The following PNKP variants were observed in gnomAD, a reference collection of about 807,000 sequenced individuals.
PNKP encodes the protein bifunctional polynucleotide phosphatase/kinase.
Under a neutral mutation model 66.2 loss-of-function variants are expected in PNKP, and 82 were observed. The observed-to-expected ratio is 1.24, with a 90% CI of 1.04 to 1.49. The LOEUF (loss-of-function observed/expected upper bound fraction) is 1.49, where lower values mean the gene tolerates loss of function less well. Among genes scored for constraint, PNKP ranks in the 40% most tolerant of loss-of-function variants. The pLI, the probability that PNKP is intolerant of heterozygous loss-of-function variation, is 0.00. For missense variants in PNKP, 907 were observed against 706.8 expected (o/e 1.28, Z -3.21); for synonymous variants, 412 against 298.9 (o/e 1.38, Z -3.90).
In PNKP at chr19:49,862,587, T is replaced by G; in HGVS notation, c.887A>C (p.Asn296Thr). ...TTTCTTCTTCCGCCCCGGGGCCCAGTTGGCCGGGCGTCCGGCTGCGTCTGG... is the reference window on the plus strand; with the variant it reads ...TTTCTTCTTCCGCCCCGGGGCCCAGGTGGCCGGGCGTCCGGCTGCGTCTGG... ...FVGDAAGRPA[N>T]WAPGRKKKDF... The change falls in exon 10 of 17, where the codon AAC becomes ACC. Residue 296 changes from asparagine (N) to threonine (T), a missense_variant. Transcript: ENST00000322344. 1.9e-6 allele frequency: 3 copies of G among 1,613,474 alleles called. No homozygotes were observed. The highest frequency in any genetic ancestry group is 2.5e-6 in the Non-Finnish European group (3 of 1,179,700).
chr19:49,865,603 T>C, intron 3 of PNKP, 177 bp from the exon 4 acceptor site: 2 of 255,180 alleles, frequency 7.8e-6, no homozygotes, highest in South Asian at 4.5e-5. Flanking sequence ...GTCCGAATCT[T>C]TTTTTTTTTT....
intron 13 of PNKP, 39 bp downstream of exon 13, chr19:49,862,005 C>CTT (rs1173356910): frequency 5.6e-6 from 9 of 1,612,206 alleles, no homozygotes; most frequent in Non-Finnish European, 7.6e-6. Flanking sequence ...GAGATGGGAA[C>CTT]TTTATAATAG....
intron 2 of PNKP, 145 bp downstream of exon 2, chr19:49,866,909 T>G: frequency 1.2e-5 from 10 of 839,416 alleles, no homozygotes. Flanking sequence ...AAGCACAAAC[T>G]TTATCTTCCT....
chr19:49,862,754 G>A lies in PNKP; in HGVS notation c.817-16C>T, dbSNP rs751500600. The A allele has an allele frequency of 1.2e-6, 2 of 1,613,926 alleles. No individual in the cohort carries two copies. Among genetic ancestry groups the A allele is most frequent in the Non-Finnish European group, 1.7e-6 (2 of 1,179,858 alleles). ...CGTCGTTGGCCTACGGGAGACGGTA[G>A]TGAGGAGGCCCTTCCCACAAATGTC... On this transcript the variant is annotated splice_polypyrimidine_tract_variant and intron_variant, in intron 8 of 16. Transcript: ENST00000322344.
In PNKP at chr19:49,865,383, G is replaced by A. The variant is rs753940585; in HGVS notation, c.242C>T (p.Pro81Leu). ...CACCCCCAGAGAGCCCTCCAACCCC[G>A]GCTTCAACTCCTGGGTCCCGGTAGT... Reference protein sequence around the residue: ...PSTTGTQELKPGLEGSLGVGD... With the variant: ...PSTTGTQELKLGLEGSLGVGD... The change falls in exon 4 of 17, where the codon CCG becomes CTG. Residue 81 changes from proline (P) to leucine (L), a missense_variant. Physicochemically the swap from Pro to Leu is moderately conservative, Grantham distance 98. Transcript: ENST00000322344. 3.1e-6 allele frequency: 5 copies of A among 1,612,742 alleles called. No individual in the cohort carries two copies. The South Asian group carries it at 3.3e-5, about 11-fold the overall frequency.
chr19:49,861,539 C>T (rs1488138163), intron 15 of PNKP, 29 bp from the exon 16 acceptor site: 2 of 1,608,880 alleles, frequency 1.2e-6, no homozygotes, highest in Non-Finnish European at 1.7e-6. Flanking sequence ...GGGCGGCAGG[C>T]CCAGGGGTCA....
Position 49,863,764 on chromosome 19 carries a change from T to C in PNKP, c.745-4A>G. 1 of 1,557,906 alleles carries C rather than the reference T, an allele frequency of 6.4e-7. No individual in the cohort carries two copies. The highest frequency in any genetic ancestry group is 8.7e-7 in the Non-Finnish European group (1 of 1,150,074). On this transcript the variant is annotated splice_polypyrimidine_tract_variant and splice_region_variant and intron_variant, in intron 7 of 16. Transcript: ENST00000322344. ...CTGCGTGCGTGGCCACCAGCACCTG[T>C]GGATGGGAGGGGGCCACCAGCTTTA... is the stretch of plus-strand genomic sequence containing the variant.
In PNKP at chr19:49,863,191, G is replaced by T. The variant is rs1015327409; in HGVS notation, c.817-453C>A. On this transcript the variant is annotated intron_variant, in intron 8 of 16. Coordinates refer to ENST00000322344, the MANE Select transcript of PNKP (RefSeq NM_007254.4). The stretch of plus-strand genomic sequence containing the variant: ...TTTGCACTTGCTGTCACTCCCACAA[G>T]GGGGGGGACCGCTTTCCCCAGGTGT... 2.0e-5 allele frequency among the ~76,000 whole-genome samples: 3 copies of T among 151,898 alleles called. No homozygotes were observed. In the South Asian group the frequency reaches 6.3e-4, roughly 32 times the overall value.
Position 49,861,787 on chromosome 19 carries a change from G to GCGTCTGGGTTTGTGTTGT in PNKP, c.1265_1282dup (p.Asp422_Asp427dup), listed in dbSNP as rs2074768602. On this transcript the variant is annotated inframe_insertion, in exon 14 of 17. Transcript: ENST00000322344. ...GTCACGCTACCTGGCGCGGCTCGCGGCGTCTGGGTTTGTGTTGTCGATGGC... is the reference window on the plus strand; with the variant it reads ...GTCACGCTACCTGGCGCGGCTCGCGGCGTCTGGGTTTGTGTTGTCGTCTGGGTTTGTGTTGTCGATGGC... 4 of 1,566,116 alleles carry GCGTCTGGGTTTGTGTTGT rather than the reference G, an allele frequency of 2.6e-6. No homozygotes were observed. The highest frequency in any genetic ancestry group is 1.2e-5 in the South Asian group (1 of 85,820).
At chr19:49,863,224 G>T (rs1362712392) in intron 8 of PNKP, among the ~76,000 whole-genome samples, 1 of 152,136 alleles carries the variant, frequency 6.6e-6, no homozygotes, top group African/African-American at 2.4e-5. Context: ...TGTCCACCTG[G>T]CTCCCTCCTT....
chr19:49,864,129 G>A (rs376534063), intron 6 of PNKP, 50 bp downstream of exon 6: 20 of 1,606,878 alleles, frequency 1.2e-5, no homozygotes, highest in East Asian at 1.1e-4. Flanking sequence ...GTCTGACTGC[G>A]GTCGGACCGC....
chr19:49,865,605 T>A, intron 3 of PNKP, 179 bp from the exon 4 acceptor site: 2 of 427,488 alleles, frequency 4.7e-6, no homozygotes, highest in Non-Finnish European at 8.1e-6. Flanking sequence ...CCGAATCTTT[T>A]TTTTTTTTTT....
chr19:49,862,136 T>A lies in PNKP; in HGVS notation c.1127-31A>T, dbSNP rs761976639. 5.0e-6 allele frequency: 8 copies of A among 1,613,738 alleles called. No individual in the cohort carries two copies. The African/African-American group carries it at 5.3e-5, about 11-fold the overall frequency. On this transcript the variant is annotated intron_variant, in intron 12 of 16. Coordinates refer to ENST00000322344, the MANE Select transcript of PNKP (RefSeq NM_007254.4). ...TGGGGGGCAGTGTCGGTGGGTGGCCTAGGACCCAGGCGGGGCTCAGGGCAC... is the reference window on the plus strand; with the variant it reads ...TGGGGGGCAGTGTCGGTGGGTGGCCAAGGACCCAGGCGGGGCTCAGGGCAC...
intron 10 of PNKP, 30 bp downstream of exon 10, chr19:49,862,508 C>CGGGCGCG: frequency 1.2e-6 from 2 of 1,601,066 alleles, no homozygotes; most frequent in Non-Finnish European, 1.7e-6. Context: ...GGGTCGGGCT[C>CGGGCGCG]GGGCGCGGGG....
rs756320620 is a variant in PNKP, at chr19:49,861,243, G to C, written c.*5C>G. The C allele has an allele frequency of 2.6e-6, 4 of 1,555,098 alleles. No homozygotes were observed. The Admixed American group carries it at 6.7e-5, about 26-fold the overall frequency. Reference sequence around the variant, plus strand: ...CGTTTATTGTGGAGGGGAGCTGGGCGGGGCTCAGCCCTCGGAGAACTGGCA... The same window carrying C: ...CGTTTATTGTGGAGGGGAGCTGGGCCGGGCTCAGCCCTCGGAGAACTGGCA... On this transcript the variant is annotated 3_prime_UTR_variant, in exon 17 of 17. Coordinates refer to ENST00000322344, the MANE Select transcript of PNKP (RefSeq NM_007254.4).
chr19:49,865,079 T>G (rs1350277113), intron 4 of PNKP, 48 bp downstream of exon 4: 2 of 1,543,976 alleles, frequency 1.3e-6, no homozygotes, highest in Non-Finnish European at 8.9e-7. Context: ...AACGTGGGAT[T>G]GGGTCCCAGT....
chr19:49,863,650 G>GCTCC (rs2074796640), intron 8 of PNKP, 39 bp downstream of exon 8: 5 of 1,493,964 alleles, frequency 3.3e-6, no homozygotes, highest in African/African-American at 1.4e-5. Flanking sequence ...GGGCTGGAGT[G>GCTCC]AGGAAAAGGA....
At chr19:49,863,794 C>T (rs1225991975) in intron 7 of PNKP, 34 bp from the exon 8 acceptor site, 1 of 1,540,774 alleles carries the variant, frequency 6.5e-7, no homozygotes, top group Non-Finnish European at 8.8e-7. Context: ...GCTTTAGCTC[C>T]CCCTCAAGCA....
intron 3 of PNKP, 184 bp from the exon 4 acceptor site, chr19:49,865,610 T>G (rs2074813420): frequency 7.8e-6 from 4 of 509,754 alleles, no homozygotes; most frequent in South Asian, 4.7e-5. Context: ...TCTTTTTTTT[T>G]TTTTTTTTTT....
Sources: gnomAD v4.1 joint callset for allele counts (sites outside exome capture counted in the v4.1 genomes callset) on GRCh38, gnomAD v4.1.1 for gene constraint, MANE v1.5 for transcripts, NCBI Gene and HGNC (gene_info 2026-07-23, HGNC 2026-07-21) for gene names.